Variants in ADAMTS17 observed in about 807,000 individuals in gnomAD.
The protein encoded by ADAMTS17 is A disintegrin and metalloproteinase with thrombospondin motifs 17.
In ADAMTS17, 113 loss-of-function variants were observed where a neutral mutation model predicts 141.5. That is an observed-to-expected ratio of 0.80 (90% CI 0.69 to 0.93). The LOEUF is 0.93. ADAMTS17 is among the 40% of genes least tolerant of loss of function. The probability of loss-of-function intolerance (pLI) is 0.00; values close to 1 mark genes in which losing one functional copy is unlikely to be tolerated. For missense variants in ADAMTS17, 1,659 were observed against 1,517.9 expected, an observed-to-expected ratio of 1.09 and a Z score of -1.54; for synonymous variants, 768 against 630.6, an observed-to-expected ratio of 1.22 and a Z score of -3.27.
At chr15:100,325,416 G>A (rs1318657473) in intron 3 of ADAMTS17, among the ~76,000 whole-genome samples, 1 of 152,204 alleles carries the variant, frequency 6.6e-6, no homozygotes, top group Non-Finnish European at 1.5e-5. Flanking sequence ...GAGGAAATTT[G>A]GACGGAGACA....
At position 100,303,773 on chromosome 15, in the gene ADAMTS17, G is replaced by A. The variant is rs369329266; in HGVS notation, c.617-22372C>T. Among the ~76,000 whole-genome samples the A allele has an allele frequency of 3.5e-4, 54 of 152,284 alleles. No individual in the cohort carries two copies. In the East Asian group the frequency reaches 6.0e-3, roughly 17 times the overall value. ...TCTCTCTTGTCGCCCAGGCTGGAGTGCAGTGGTGTGATCTCAGCTCATTGC... is the reference window on the plus strand; with the variant it reads ...TCTCTCTTGTCGCCCAGGCTGGAGTACAGTGGTGTGATCTCAGCTCATTGC... On this transcript the variant is annotated intron_variant, in intron 3 of 21. Coordinates refer to ENST00000268070, the MANE Select transcript of ADAMTS17 (RefSeq NM_139057.4).
chr15:100,322,806 G>A (rs945872885), intron 3 of ADAMTS17, among the ~76,000 whole-genome samples: 2 of 152,094 alleles, frequency 1.3e-5, no homozygotes, highest in South Asian at 4.1e-4. Context: ...ATTATAAATT[G>A]GCCAGGCGTG....
chr15:100,317,179 A>C (rs2045591380), intron 3 of ADAMTS17, among the ~76,000 whole-genome samples: 1 of 152,220 alleles, frequency 6.6e-6, no homozygotes, highest in South Asian at 2.1e-4. Flanking sequence ...AAAACACATA[A>C]AAATGGGATG....
At chr15:100,167,427 A>C (rs2039992465) in intron 8 of ADAMTS17, among the ~76,000 whole-genome samples, 2 of 152,130 alleles carry the variant, frequency 1.3e-5, no homozygotes, top group Non-Finnish European at 2.9e-5. Context: ...ACCCTCCCAG[A>C]TGGTCGTGCG....
At position 99,993,483 on chromosome 15, in the gene ADAMTS17, C is replaced by T. The variant is rs1334755602; in HGVS notation, c.2797-283G>A. ...CATGAGGGGAGTGGAATTCAGTGGC[C>T]ACTTGTCGGGTCCAAAAGCTCAAGG... On this transcript the variant is annotated intron_variant, in intron 19 of 21. Transcript: ENST00000268070. This position sits in a 1 kb window ranked among gnomAD's most constrained non-coding sequence, Gnocchi z 4.3. Among the ~76,000 whole-genome samples the T allele has an allele frequency of 1.3e-5, 2 of 152,110 alleles. No individual in the cohort carries two copies. Among genetic ancestry groups the T allele is most frequent in the African/African-American group, 4.8e-5 (2 of 41,434 alleles).
intron 14 of ADAMTS17, among the ~76,000 whole-genome samples, chr15:100,100,885 A>G (rs8028471): frequency 9.4e-5 from 14 of 148,712 alleles, no homozygotes; most frequent in East Asian, 4.0e-4. Context: ...TTCCTCCCCC[A>G]CTCCAGATGC....
chr15:100,172,836 T>C (rs2040210132), intron 8 of ADAMTS17, among the ~76,000 whole-genome samples: 1 of 152,222 alleles, frequency 6.6e-6, no homozygotes, highest in Non-Finnish European at 1.5e-5. Context: ...GACAGTAAAT[T>C]TGCCTTGCTG....
intron 8 of ADAMTS17, among the ~76,000 whole-genome samples, chr15:100,167,169 G>C (rs952869362): frequency 6.6e-6 from 1 of 152,206 alleles, no homozygotes; most frequent in East Asian, 1.9e-4. Context: ...GCCTAAGTGA[G>C]AACCTGATTG....
At chr15:100,201,106 A>T (rs75639019) in intron 7 of ADAMTS17, among the ~76,000 whole-genome samples, 3,703 of 152,230 alleles carry the variant, frequency 0.024, 169 homozygotes, top group African/African-American at 0.084. Flanking sequence ...TGATGTCCAA[A>T]TCAAACTGGT....
chr15:100,171,626 A>G (rs1596179699), intron 8 of ADAMTS17, among the ~76,000 whole-genome samples: 1 of 152,296 alleles, frequency 6.6e-6, no homozygotes, highest in Non-Finnish European at 1.5e-5. Flanking sequence ...CCTCGCCAGC[A>G]GACAGCATCC....
At chr15:100,085,494 A>T (rs1408799070) in intron 15 of ADAMTS17, among the ~76,000 whole-genome samples, 5 of 151,670 alleles carry the variant, frequency 3.3e-5, no homozygotes, top group South Asian at 2.1e-4. Context: ...TATAGAGAAC[A>T]CCACAAAGAT....
intron 15 of ADAMTS17, among the ~76,000 whole-genome samples, chr15:100,082,782 T>TTTC (rs58766388): frequency 5.3e-5 from 7 of 131,104 alleles, no homozygotes; most frequent in Non-Finnish European, 6.8e-5. Flanking sequence ...TTTTTTTTTT[T>TTTC]CAGTTCATCT....
chr15:100,007,122 C>T (rs2061051378), intron 18 of ADAMTS17, among the ~76,000 whole-genome samples: 1 of 152,220 alleles, frequency 6.6e-6, no homozygotes, highest in Admixed American at 6.5e-5. Context: ...TCTTTAACAT[C>T]TGACAAGTGC....
intron 19 of ADAMTS17, among the ~76,000 whole-genome samples, chr15:99,996,217 G>T (rs2060799490): frequency 6.6e-6 from 1 of 151,990 alleles, no homozygotes. Flanking sequence ...ACCATGCCCG[G>T]CTAATTTTTT....
chr15:100,282,795 A>G (rs1200202536), intron 3 of ADAMTS17, among the ~76,000 whole-genome samples: 1 of 152,232 alleles, frequency 6.6e-6, no homozygotes, highest in African/African-American at 2.4e-5. Flanking sequence ...TAAAGCCAAC[A>G]ACAGTAAAAA....
intron 8 of ADAMTS17, among the ~76,000 whole-genome samples, chr15:100,175,722 C>G (rs537629100): frequency 6.6e-6 from 1 of 152,156 alleles, no homozygotes; most frequent in Admixed American, 6.5e-5. Flanking sequence ...CACCCTTCCT[C>G]AAATCTCACC....
At chr15:100,340,885 TG>T in intron 2 of ADAMTS17, 153 bp downstream of exon 2, 6 of 1,179,838 alleles carry the variant, frequency 5.1e-6, no homozygotes, top group Admixed American at 2.2e-5. Context: ...AAGGCCGGGG[TG>T]GGGGATGGGG....
At chr15:100,150,934 C>T (rs1225001065) in intron 10 of ADAMTS17, among the ~76,000 whole-genome samples, 3 of 152,246 alleles carry the variant, frequency 2.0e-5, no homozygotes, top group Non-Finnish European at 4.4e-5. Context: ...ATCTCGGTGC[C>T]ATCCGTGCAC....
At chr15:100,111,752 T>C (rs2036796498) in intron 13 of ADAMTS17, among the ~76,000 whole-genome samples, 1 of 152,246 alleles carries the variant, frequency 6.6e-6, no homozygotes, top group East Asian at 1.9e-4. Context: ...ATAAACGATA[T>C]TTACTACTAC....
Sources: allele counts gnomAD v4.1 joint callset (sites outside exome capture counted in the v4.1 genomes callset), GRCh38; gene constraint gnomAD v4.1.1; non-coding constraint Gnocchi (gnomAD v3.1); transcripts MANE v1.5; gene names NCBI Gene and HGNC (gene_info 2026-07-23, HGNC 2026-07-21).